The following ARHGEF4 variants were observed in gnomAD, a reference collection of about 807,000 sequenced individuals.
The protein encoded by ARHGEF4 is APC-stimulated guanine nucleotide exchange factor 1.
A neutral mutation model predicts 162.0 loss-of-function variants in ARHGEF4; 119 were observed. That is an observed-to-expected ratio of 0.73 (90% CI 0.63 to 0.86). ARHGEF4 has a LOEUF of 0.86. ARHGEF4 is among the 40% of genes least tolerant of loss of function. The pLI, the probability that ARHGEF4 is intolerant of heterozygous loss-of-function variation, is 0.00. For missense variants in ARHGEF4, 2,488 were observed against 2,456.0 expected (o/e 1.01, Z -0.28); for synonymous variants, 1,014 against 979.9 (o/e 1.03, Z -0.65).
At chr2:130,856,763 C>T (rs550637191) in intron 1 of ARHGEF4, among the ~76,000 whole-genome samples, 1 of 152,164 alleles carries the variant, frequency 6.6e-6, no homozygotes, top group African/African-American at 2.4e-5. Flanking sequence ...TGTAACTAAC[C>T]TGCACGTTGT....
rs202218673 is a variant in ARHGEF4 at position 131,040,102 on chromosome 2, G to T, written c.4392G>T (p.Gln1464His). 6.4e-5 allele frequency: 103 copies of T among 1,611,012 alleles called. No individual in the cohort carries two copies. Among genetic ancestry groups the T allele is most frequent in the Non-Finnish European group, 8.2e-5 (97 of 1,178,364 alleles). Residue 1464 changes from glutamine (Q) to histidine (H), a missense_variant, in exon 7 of 14, where the codon CAG becomes CAT. Gln to His is a conservative substitution (Grantham distance 24). Around this residue, in one of 6 missense-constraint regions of ARHGEF4, gnomAD observed 174 missense variants for 148.3 expected, o/e 1.17. Transcript: ENST00000409359. ...SGAEDGGAEA[Q>H]SSKDQMRTNV... ...CGGAGGACGGCGGGGCGGAGGCGCA[G>T]AGCAGCAAGGACCAGATGCGGACCA...
chr2:131,030,611 A>C (rs1689786759), intron 5 of ARHGEF4, among the ~76,000 whole-genome samples: 2 of 152,244 alleles, frequency 1.3e-5, no homozygotes, highest in African/African-American at 4.8e-5. Context: ...CTCCTGTCCC[A>C]GATGGCATCC....
chr2:131,033,965 C>A (rs1558879616), intron 5 of ARHGEF4, among the ~76,000 whole-genome samples: 1 of 152,190 alleles, frequency 6.6e-6, no homozygotes, highest in Non-Finnish European at 1.5e-5. Flanking sequence ...TATGCCCATG[C>A]ACACACAGGT....
intron 3 of ARHGEF4, among the ~76,000 whole-genome samples, chr2:130,942,594 G>C (rs1683376510): frequency 6.6e-6 from 1 of 152,192 alleles, no homozygotes; most frequent in African/African-American, 2.4e-5. Context: ...ACAAGGGTTA[G>C]AACAGCAGGA....
Position 130,876,100 on chromosome 2 carries a change from G to A in ARHGEF4, c.40-37886G>A, listed in dbSNP as rs187819402. On this transcript the variant is annotated intron_variant, in intron 1 of 13. Coordinates refer to ENST00000409359, the MANE Select transcript of ARHGEF4 (RefSeq NM_001367493.1). Reference sequence around the variant, plus strand: ...ACCTTACCTTCTAGTTGGTTCAGCCGCTCATAGGGTAGGCTTTCCCCATGT... The same window carrying A: ...ACCTTACCTTCTAGTTGGTTCAGCCACTCATAGGGTAGGCTTTCCCCATGT... 1.5e-3 allele frequency among the ~76,000 whole-genome samples: 228 copies of A among 152,232 alleles called. 1 individual carries two copies. The highest frequency in any genetic ancestry group is 5.1e-3 in the African/African-American group (213 of 41,548).
intron 4 of ARHGEF4, among the ~76,000 whole-genome samples, chr2:130,989,979 A>G (rs1256657282): frequency 6.6e-6 from 1 of 152,238 alleles, no homozygotes; most frequent in Non-Finnish European, 1.5e-5. Context: ...AGCTTCCGCT[A>G]AGGACCATCA....
intron 1 of ARHGEF4, among the ~76,000 whole-genome samples, chr2:130,856,988 C>T (rs1222141155): frequency 6.6e-6 from 1 of 151,966 alleles, no homozygotes; most frequent in African/African-American, 2.4e-5. Flanking sequence ...TTTGGGAGGC[C>T]GAGGCGGGTG....
At chr2:130,965,662 C>G (rs188428702) in intron 4 of ARHGEF4, among the ~76,000 whole-genome samples, 1 of 152,186 alleles carries the variant, frequency 6.6e-6, no homozygotes, top group Non-Finnish European at 1.5e-5. Context: ...GGCCTCAGTC[C>G]TCCTGGGGAC....
chr2:130,915,411 CAG>C lies in ARHGEF4; in HGVS notation c.1467_1468del (p.Lys490AlafsTer15). The C allele has an allele frequency of 6.4e-7, 1 of 1,550,582 alleles. No homozygotes were observed. Among genetic ancestry groups the C allele is most frequent in the Non-Finnish European group, 8.7e-7 (1 of 1,147,010 alleles). On this transcript the variant is annotated frameshift_variant, in exon 2 of 14. Transcript: ENST00000409359. LOFTEE classifies it high-confidence loss of function. ...APRAADERET[Q>X]KHLWGISVQA... is the part of the protein sequence containing the mutation. ...AAGAGCTGCTGATGAGAGAGAGACACAGAAGCACCTCTGGGGCATTTCTGTCC... is the reference window on the plus strand; with the variant it reads ...AAGAGCTGCTGATGAGAGAGAGACACAAGCACCTCTGGGGCATTTCTGTCC...
At chr2:130,839,264 G>C (rs767169473) in intron 1 of ARHGEF4, among the ~76,000 whole-genome samples, 5 of 152,180 alleles carry the variant, frequency 3.3e-5, no homozygotes, top group Admixed American at 6.5e-5. Flanking sequence ...GAGGAGCTAC[G>C]TGCTTCAGTC....
intron 4 of ARHGEF4, among the ~76,000 whole-genome samples, chr2:131,013,939 A>G (rs1573612787): frequency 1.3e-5 from 2 of 152,338 alleles, no homozygotes; most frequent in East Asian, 3.9e-4. Context: ...ATAATCTACC[A>G]TGAACAATGA....
chr2:130,995,732 G>A (rs1019898574), intron 4 of ARHGEF4, among the ~76,000 whole-genome samples: 7 of 152,126 alleles, frequency 4.6e-5, no homozygotes, highest in African/African-American at 1.7e-4. Flanking sequence ...GCCACGTCCT[G>A]CAGGGGCCTC....
At chr2:130,865,656 A>G (rs1312174397) in intron 1 of ARHGEF4, among the ~76,000 whole-genome samples, 3 of 152,228 alleles carry the variant, frequency 2.0e-5, no homozygotes, top group African/African-American at 7.2e-5. Flanking sequence ...CCTCGCGGAA[A>G]AAGTCTAGTT....
chr2:131,034,842 C>A, intron 5 of ARHGEF4: 1 of 299,720 alleles, frequency 3.3e-6, no homozygotes, highest in Non-Finnish European at 4.9e-6. Flanking sequence ...AGCGCACGCC[C>A]GAGCCGCCGC....
chr2:131,036,685 G>T, intron 5 of ARHGEF4, among the ~76,000 whole-genome samples: 1 of 152,208 alleles, frequency 6.6e-6, no homozygotes, highest in East Asian at 1.9e-4. Context: ...GGAACCTAGA[G>T]ACAGAGGGTG....
At chr2:130,954,194 A>T (rs902357747) in intron 4 of ARHGEF4, among the ~76,000 whole-genome samples, 1 of 152,228 alleles carries the variant, frequency 6.6e-6, no homozygotes, top group Non-Finnish European at 1.5e-5. Flanking sequence ...AAAATGTGGC[A>T]TATATACACC....
intron 1 of ARHGEF4, among the ~76,000 whole-genome samples, chr2:130,888,652 A>G (rs1679666470): frequency 6.6e-6 from 1 of 152,020 alleles, no homozygotes; most frequent in Admixed American, 6.5e-5. Context: ...TCTATTGGTT[A>G]TTGTAAAGTG....
At chr2:131,019,330 TG>T (rs1465967568) in intron 4 of ARHGEF4, among the ~76,000 whole-genome samples, 2 of 152,004 alleles carry the variant, frequency 1.3e-5, no homozygotes, top group Non-Finnish European at 2.9e-5. Context: ...GAGAATCGCT[TG>T]AACCCGGGAG....
At chr2:130,967,213 T>C (rs1685062636) in intron 4 of ARHGEF4, among the ~76,000 whole-genome samples, 1 of 152,218 alleles carries the variant, frequency 6.6e-6, no homozygotes, top group Non-Finnish European at 1.5e-5. Context: ...TGCTCTGTGT[T>C]GGCATTTCCA....
Sources: allele counts gnomAD v4.1 joint callset (sites outside exome capture counted in the v4.1 genomes callset), GRCh38; gene constraint gnomAD v4.1.1; regional missense constraint gnomAD v4.1.1; transcripts MANE v1.5; gene names NCBI Gene and HGNC (gene_info 2026-07-23, HGNC 2026-07-21).